The following MSH3 variants were observed in gnomAD, a reference collection of about 807,000 sequenced individuals.
MSH3 encodes the protein DNA mismatch repair protein Msh3.
In MSH3, 106 loss-of-function variants were observed where a neutral mutation model predicts 123.3. That is an observed-to-expected ratio of 0.86 (90% CI 0.73 to 1.01). The LOEUF (loss-of-function observed/expected upper bound fraction) is 1.01, where lower values mean the gene tolerates loss of function less well. Among genes scored for constraint, MSH3 ranks in the 50% least tolerant of loss-of-function variants. The pLI is 0.00. For synonymous variants in MSH3, 515 were observed against 481.4 expected (o/e 1.07, Z -0.91); for missense variants, 1,459 against 1,347.6 (o/e 1.08, Z -1.29).
At chr5:80,744,958 G>C (rs1452898367) in intron 12 of MSH3, among the ~76,000 whole-genome samples, 1 of 152,130 alleles carries the variant, frequency 6.6e-6, no homozygotes, top group East Asian at 1.9e-4. Context: ...ATCAGAGCTG[G>C]GCTTGTGTGT....
intron 10 of MSH3, among the ~76,000 whole-genome samples, chr5:80,729,259 C>G (rs947882791): frequency 2.6e-5 from 4 of 151,280 alleles, no homozygotes; most frequent in South Asian, 2.1e-4. Context: ...ACTAAAAATA[C>G]AAAAAATTAG....
chr5:80,831,011 C>T (rs182718549), intron 20 of MSH3, among the ~76,000 whole-genome samples: 3 of 152,130 alleles, frequency 2.0e-5, no homozygotes, highest in Non-Finnish European at 4.4e-5. Flanking sequence ...TTATAATACA[C>T]ATGCTTCTCA....
chr5:80,654,965 G>A lies in MSH3; in HGVS notation c.237+1G>A, dbSNP rs1196929384. On this transcript the variant is annotated splice_donor_variant, in intron 1 of 23. Transcript: ENST00000265081. LOFTEE classifies it high-confidence loss of function. The stretch of plus-strand genomic sequence containing the variant: ...CCCGCCCCAGCTGCCGCCGCACATA[G>A]TAGGTTCTGTCTGGGACTGGGCAGG... The A allele has an allele frequency of 1.4e-6, 2 of 1,463,982 alleles. No individual in the cohort carries two copies. Among genetic ancestry groups the A allele is most frequent in the South Asian group, 2.6e-5 (2 of 75,502 alleles). The allele number at this position is 1,463,982 out of a possible 1,614,324, so 90.7% of individuals were successfully genotyped here. A position where few individuals can be genotyped will look rare whatever the true frequency, so the allele number is the denominator to read the frequency against.
At chr5:80,742,159 G>A (rs1307105150) in intron 11 of MSH3, among the ~76,000 whole-genome samples, 1 of 152,068 alleles carries the variant, frequency 6.6e-6, no homozygotes, top group South Asian at 2.1e-4. Flanking sequence ...ACAGGCACCT[G>A]CCACCACGCC....
At chr5:80,757,702 A>G (rs982543839) in intron 12 of MSH3, among the ~76,000 whole-genome samples, 2 of 152,174 alleles carry the variant, frequency 1.3e-5, no homozygotes, top group Admixed American at 1.3e-4. Flanking sequence ...TATCTTTATC[A>G]TCATCCAATT....
chr5:80,655,284 CTTT>C, intron 1 of MSH3: 2 of 228,798 alleles, frequency 8.7e-6, no homozygotes, highest in Non-Finnish European at 1.7e-5. Flanking sequence ...AACCTCCATC[CTTT>C]TTTTTTTTCC....
At chr5:80,833,646 T>A (rs1745458645) in intron 20 of MSH3, among the ~76,000 whole-genome samples, 1 of 152,224 alleles carries the variant, frequency 6.6e-6, no homozygotes, top group South Asian at 2.1e-4. Context: ...TTTCACCATG[T>A]TGGCCAGGAT....
intron 12 of MSH3, among the ~76,000 whole-genome samples, chr5:80,751,327 T>C (rs1409085589): frequency 1.3e-5 from 2 of 152,190 alleles, no homozygotes; most frequent in Admixed American, 6.5e-5. Flanking sequence ...TCATTAATGC[T>C]TTATGAAAAG....
At chr5:80,740,400 C>T (rs140050087) in intron 10 of MSH3, among the ~76,000 whole-genome samples, 7,402 of 151,470 alleles carry the variant, frequency 0.049, 326 homozygotes, top group Admixed American at 0.14. Flanking sequence ...CTCTGTCACC[C>T]GGGCTGGAGT....
chr5:80,768,804 G>T, intron 14 of MSH3, 31 bp from the exon 15 acceptor site: 1 of 1,549,440 alleles, frequency 6.5e-7, no homozygotes, highest in South Asian at 1.1e-5. Flanking sequence ...AATAAACTTC[G>T]AATATGTATT....
chr5:80,819,198 TTC>T (rs1390067226), intron 20 of MSH3, among the ~76,000 whole-genome samples: 18 of 152,080 alleles, frequency 1.2e-4, no homozygotes, highest in Admixed American at 1.0e-3. Flanking sequence ...GCCATTACAT[TTC>T]TGTGTCATCA....
At chr5:80,785,943 A>G (rs1376438729) in intron 17 of MSH3, among the ~76,000 whole-genome samples, 1 of 149,596 alleles carries the variant, frequency 6.7e-6, no homozygotes, top group African/African-American at 2.5e-5. Context: ...TTGAACAATG[A>G]GAACACATGG....
chr5:80,748,276 C>T (rs1743757372), intron 12 of MSH3, among the ~76,000 whole-genome samples: 1 of 152,180 alleles, frequency 6.6e-6, no homozygotes, highest in African/African-American at 2.4e-5. Context: ...TAGGACCAGG[C>T]ATTCAAGTTT....
At chr5:80,802,180 T>A (rs1464749124) in intron 19 of MSH3, among the ~76,000 whole-genome samples, 2 of 152,104 alleles carry the variant, frequency 1.3e-5, no homozygotes, top group African/African-American at 4.8e-5. Context: ...TCTTTGTAAT[T>A]TTTTTTAAGA....
intron 20 of MSH3, among the ~76,000 whole-genome samples, chr5:80,836,332 ACT>A (rs1745509072): frequency 1.3e-5 from 2 of 152,164 alleles, no homozygotes; most frequent in African/African-American, 4.8e-5. Flanking sequence ...TGTGCAAGAC[ACT>A]CTGCTTAACA....
chr5:80,674,368 T>TA (rs1443476536), intron 6 of MSH3, among the ~76,000 whole-genome samples: 2 of 152,224 alleles, frequency 1.3e-5, no homozygotes, highest in Non-Finnish European at 2.9e-5. Flanking sequence ...CTCATGTCTT[T>TA]AAAAAATTGT....
intron 8 of MSH3, among the ~76,000 whole-genome samples, chr5:80,707,451 A>G (rs1399935628): frequency 2.6e-5 from 4 of 152,186 alleles, no homozygotes; most frequent in Non-Finnish European, 5.9e-5. Flanking sequence ...GGCCAGGCAC[A>G]GTGGTTCACA....
At chr5:80,727,203 C>T (rs1182876417) in intron 9 of MSH3, among the ~76,000 whole-genome samples, 1 of 152,194 alleles carries the variant, frequency 6.6e-6, no homozygotes, top group Non-Finnish European at 1.5e-5. Context: ...GTCATTTTTA[C>T]CACAGGCAGT....
intron 19 of MSH3, among the ~76,000 whole-genome samples, chr5:80,799,392 G>C (rs964199550): frequency 6.7e-6 from 1 of 149,472 alleles, no homozygotes; most frequent in African/African-American, 2.5e-5. Context: ...AAAACACTTT[G>C]AAACTACCAA....
Sources: gnomAD v4.1 joint callset for allele counts (sites outside exome capture counted in the v4.1 genomes callset) on GRCh38, gnomAD v4.1.1 for gene constraint, MANE v1.5 for transcripts, NCBI Gene and HGNC (gene_info 2026-07-23, HGNC 2026-07-21) for gene names.